The following ZNF704 variants were observed in gnomAD, a reference collection of about 807,000 sequenced individuals.
The protein encoded by ZNF704 is zinc finger protein 704.
A neutral mutation model predicts 44.7 loss-of-function variants in ZNF704; 10 were observed. That is an observed-to-expected ratio of 0.22 (90% CI 0.14 to 0.38). ZNF704 has a LOEUF of 0.38. Ranked by LOEUF, ZNF704 falls within the 10% of genes least tolerant of loss-of-function variation. ZNF704 has a pLI of 1.00. For synonymous variants in ZNF704, 211 were observed against 207.6 expected, an observed-to-expected ratio of 1.02 and a Z score of -0.14; for missense variants, 390 against 545.5, an observed-to-expected ratio of 0.71 and a Z score of 2.84.
chr8:80,751,120 A>G (rs1362008088), intron 2 of ZNF704, among the ~76,000 whole-genome samples: 3 of 152,166 alleles, frequency 2.0e-5, no homozygotes, highest in Admixed American at 6.5e-5. Context: ...TCAAATCTTA[A>G]TATCTGGACA....
chr8:80,752,110 A>G (rs1806954129), intron 2 of ZNF704, among the ~76,000 whole-genome samples: 1 of 152,202 alleles, frequency 6.6e-6, no homozygotes, highest in Non-Finnish European at 1.5e-5. Flanking sequence ...CTTGTTAAGC[A>G]GCACTGGGTT....
intron 7 of ZNF704, chr8:80,645,092 G>C: frequency 6.4e-7 from 1 of 1,569,470 alleles, no homozygotes; most frequent in East Asian, 2.2e-5. Context: ...GCTTGGCTAT[G>C]TCCTTGGGCA....
At position 80,631,873 on chromosome 8, in the gene ZNF704, CTTAAT is replaced by C. The variant is rs950582769; in HGVS notation, c.*9488_*9492del. The C allele has an allele frequency of 8.5e-5, 13 of 152,286 alleles. No individual in the cohort carries two copies. The highest frequency in any genetic ancestry group is 2.2e-4 in the African/African-American group (9 of 41,566). 9.4% of individuals were successfully genotyped at this position (152,286 alleles called of 1,614,324 possible). On this transcript the variant is annotated 3_prime_UTR_variant, in exon 9 of 9. Coordinates refer to ENST00000327835, the MANE Select transcript of ZNF704 (RefSeq NM_001033723.3). ...TATAGTAATATTTATCCCCTTGCAC[CTTAAT>C]TTAAGAGAGAGAAAGCAGTAGCACA...
At chr8:80,686,790 C>T (rs549320102) in intron 4 of ZNF704, among the ~76,000 whole-genome samples, 1 of 151,966 alleles carries the variant, frequency 6.6e-6, no homozygotes, top group Non-Finnish European at 1.5e-5. Flanking sequence ...CAGATGACTG[C>T]ATAAAAATGA....
At chr8:80,689,369 C>A (rs2131633809) in intron 3 of ZNF704, among the ~76,000 whole-genome samples, 1 of 152,270 alleles carries the variant, frequency 6.6e-6, no homozygotes, top group Non-Finnish European at 1.5e-5. Context: ...CAGCTAGGTT[C>A]TTTTAGAATG....
chr8:80,831,125 G>C (rs1202258327), intron 1 of ZNF704, among the ~76,000 whole-genome samples: 1 of 152,146 alleles, frequency 6.6e-6, no homozygotes, highest in African/African-American at 2.4e-5. Context: ...TAGCCACCAA[G>C]TCTATGGATC....
At chr8:80,697,931 G>A (rs1818751678) in intron 2 of ZNF704, among the ~76,000 whole-genome samples, 1 of 152,186 alleles carries the variant, frequency 6.6e-6, no homozygotes, top group African/African-American at 2.4e-5. Context: ...TGTAAGAGCT[G>A]GCAACTGGCT....
At chr8:80,746,580 A>C (rs2131700004) in intron 2 of ZNF704, among the ~76,000 whole-genome samples, 1 of 152,326 alleles carries the variant, frequency 6.6e-6, no homozygotes, top group East Asian at 1.9e-4. Context: ...TAAATTCAGC[A>C]CCTATGACAT....
At chr8:80,770,162 G>C (rs1176431631) in intron 2 of ZNF704, among the ~76,000 whole-genome samples, 1 of 152,174 alleles carries the variant, frequency 6.6e-6, no homozygotes, top group Admixed American at 6.5e-5. Flanking sequence ...GGGAATTCAA[G>C]ATGAAATTTC....
At chr8:80,664,265 A>C in intron 6 of ZNF704, among the ~76,000 whole-genome samples, 1 of 146,092 alleles carries the variant, frequency 6.8e-6, no homozygotes. Flanking sequence ...CCCAGATAAC[A>C]TTAGGGATTT....
intron 2 of ZNF704, among the ~76,000 whole-genome samples, chr8:80,793,516 T>C (rs375392930): frequency 6.6e-6 from 1 of 152,092 alleles, no homozygotes; most frequent in African/African-American, 2.4e-5. Flanking sequence ...CAAAACATCA[T>C]GTACCATGTA....
At chr8:80,748,079 C>CAA in intron 2 of ZNF704, among the ~76,000 whole-genome samples, 1 of 152,328 alleles carries the variant, frequency 6.6e-6, no homozygotes, top group South Asian at 2.1e-4. Context: ...AATTCTCCTA[C>CAA]AAACGGCAAG....
At chr8:80,643,834 A>T (rs987317755) in intron 7 of ZNF704, among the ~76,000 whole-genome samples, 4 of 152,324 alleles carry the variant, frequency 2.6e-5, no homozygotes, top group East Asian at 3.9e-4. Context: ...AGGATGAAAC[A>T]TACCTAGAGA....
Position 80,862,764 on chromosome 8 carries a change from C to CAAA in ZNF704, c.-22+11804_-22+11806dup, listed in dbSNP as rs71266094. ...TGGGCAACAGAGTGAGACTCCGTCT[C>CAAA]AAAAAAAAAAAAAAAAAAAAAAAAA... On this transcript the variant is annotated intron_variant, in intron 1 of 8. Transcript: ENST00000327835. Among the ~76,000 whole-genome samples, 22 of 13,072 alleles carry CAAA rather than the reference C, an allele frequency of 1.7e-3. 1 individual carries two copies. The highest frequency in any genetic ancestry group is 3.6e-3 in the African/African-American group (14 of 3,916). 8.6% of individuals were successfully genotyped at this position (13,072 alleles called of 152,430 possible).
intron 2 of ZNF704, among the ~76,000 whole-genome samples, chr8:80,752,728 A>G (rs987255124): frequency 6.6e-6 from 1 of 152,006 alleles, no homozygotes; most frequent in Admixed American, 6.6e-5. Flanking sequence ...TTTAGTAGAG[A>G]AAGGGTTTCT....
chr8:80,669,009 G>A (rs1362833285), intron 5 of ZNF704, among the ~76,000 whole-genome samples: 1 of 152,142 alleles, frequency 6.6e-6, no homozygotes, highest in East Asian at 1.9e-4. Context: ...TCAGGAAAAA[G>A]GGGATCCCAG....
At position 80,690,367 on chromosome 8, in the gene ZNF704, A is replaced by G. The variant is rs538117643; in HGVS notation, c.325+2637T>C. ...AAAATACACTTTTCTTTTTCCTCGA[A>G]GGATTCCATGAAATTCTACAATTCC... On this transcript the variant is annotated intron_variant, in intron 3 of 8. Transcript: ENST00000327835. Among the ~76,000 whole-genome samples the G allele has an allele frequency of 7.9e-5, 12 of 152,286 alleles. 1 individual carries two copies. In the East Asian group the frequency reaches 1.9e-3, roughly 24 times the overall value.
intron 1 of ZNF704, among the ~76,000 whole-genome samples, chr8:80,833,257 G>T (rs1808499387): frequency 6.6e-6 from 1 of 152,194 alleles, no homozygotes; most frequent in Non-Finnish European, 1.5e-5. Flanking sequence ...GGCTGAGGCA[G>T]GAGAATCGCT....
intron 7 of ZNF704, among the ~76,000 whole-genome samples, chr8:80,648,079 G>A (rs923820006): frequency 2.0e-5 from 3 of 152,188 alleles, no homozygotes; most frequent in African/African-American, 4.8e-5. Flanking sequence ...GGCTGAGCTT[G>A]TTTTTATAAC....
Sources: allele counts gnomAD v4.1 joint callset (sites outside exome capture counted in the v4.1 genomes callset), GRCh38; gene constraint gnomAD v4.1.1; transcripts MANE v1.5; gene names NCBI Gene and HGNC (gene_info 2026-07-23, HGNC 2026-07-21).